RASEF: variants seen among roughly 807,000 people sequenced by gnomAD.
RASEF encodes ras and EF-hand domain-containing protein.
In RASEF, 68 loss-of-function variants were observed where a neutral mutation model predicts 90.1. The ratio of observed to expected loss-of-function variants is 0.75; its 90% CI spans 0.62 to 0.92. The LOEUF (loss-of-function observed/expected upper bound fraction) is 0.92, where lower values mean the gene tolerates loss of function less well. Among genes scored for constraint, RASEF ranks in the 40% least tolerant of loss-of-function variants. The pLI is 0.00. For synonymous variants in RASEF, 331 were observed against 345.2 expected, an observed-to-expected ratio of 0.96 and a Z score of 0.46; for missense variants, 949 against 937.2, an observed-to-expected ratio of 1.01 and a Z score of -0.16.
intron 9 of RASEF, 93 bp downstream of exon 9, chr9:83,004,405 T>G: frequency 1.4e-6 from 1 of 713,136 alleles, no homozygotes; most frequent in Non-Finnish European, 2.4e-6. Flanking sequence ...GACCAAAGTA[T>G]ATTCTATTAT....
chr9:83,178,923 C>T, the RASEF span, among the ~76,000 whole-genome samples: 1 of 152,140 alleles, frequency 6.6e-6, no homozygotes, highest in East Asian at 1.9e-4. Flanking sequence ...AATCCAGTCT[C>T]ACCAGGGCAA....
intron 5 of RASEF, among the ~76,000 whole-genome samples, chr9:83,012,170 A>G (rs1161336927): frequency 1.3e-5 from 2 of 152,284 alleles, no homozygotes; most frequent in East Asian, 3.9e-4. Context: ...GGAAGAACAC[A>G]GGGTTAACTG....
the RASEF span, among the ~76,000 whole-genome samples, chr9:83,124,046 G>A: frequency 6.6e-6 from 1 of 152,140 alleles, no homozygotes; most frequent in Admixed American, 6.5e-5. Flanking sequence ...GGATCATACA[G>A]TATTTGTCCT....
the RASEF span, among the ~76,000 whole-genome samples, chr9:83,187,310 C>T: frequency 1.3e-5 from 2 of 152,154 alleles, no homozygotes; most frequent in Non-Finnish European, 1.5e-5. Context: ...CTTTTGGCCA[C>T]TTCTGTCTGC....
chr9:83,215,328 C>T, the RASEF span, among the ~76,000 whole-genome samples: 1 of 152,226 alleles, frequency 6.6e-6, no homozygotes, highest in Admixed American at 6.5e-5. Context: ...GGCCCTCTAC[C>T]CTTGCAAAAA....
chr9:83,064,789 T>A (rs1830267554), upstream of RASEF, among the ~76,000 whole-genome samples: 1 of 152,166 alleles, frequency 6.6e-6, no homozygotes, highest in Non-Finnish European at 1.5e-5. Context: ...CGAATTGGCC[T>A]GGCACAGTGG....
the RASEF span, among the ~76,000 whole-genome samples, chr9:83,210,936 G>T: frequency 6.6e-6 from 1 of 152,150 alleles, no homozygotes; most frequent in Admixed American, 6.5e-5. Context: ...CAACCTAATA[G>T]TCCATCATCC....
chr9:83,158,591 T>C, the RASEF span, among the ~76,000 whole-genome samples: 2 of 147,980 alleles, frequency 1.4e-5, no homozygotes, highest in African/African-American at 2.5e-5. Context: ...TATATGTATA[T>C]ATGTCCAAAT....
chr9:83,091,256 G>C, the RASEF span, among the ~76,000 whole-genome samples: 1 of 152,290 alleles, frequency 6.6e-6, no homozygotes, highest in East Asian at 1.9e-4. Context: ...AGCTTTTAAA[G>C]TCCTTATGGA....
At chr9:83,200,577 C>T in the RASEF span, among the ~76,000 whole-genome samples, 14 of 152,138 alleles carry the variant, frequency 9.2e-5, no homozygotes, top group Non-Finnish European at 1.9e-4. Context: ...AAAAATCAGT[C>T]CTTCCAATGC....
At chr9:83,151,677 T>C in the RASEF span, among the ~76,000 whole-genome samples, 1 of 152,200 alleles carries the variant, frequency 6.6e-6, no homozygotes, top group Non-Finnish European at 1.5e-5. Context: ...TTGGCCTCAT[T>C]CTGGGCACCC....
chr9:83,203,705 A>T, the RASEF span, among the ~76,000 whole-genome samples: 1 of 152,150 alleles, frequency 6.6e-6, no homozygotes. Context: ...TAAATTTCAG[A>T]TCTGAAGAGT....
At chr9:83,167,866 C>T in the RASEF span, among the ~76,000 whole-genome samples, 2 of 152,114 alleles carry the variant, frequency 1.3e-5, no homozygotes, top group African/African-American at 4.8e-5. Flanking sequence ...GAAAGATATT[C>T]CATTATATGG....
At chr9:83,082,348 G>C in the RASEF span, among the ~76,000 whole-genome samples, 1 of 152,200 alleles carries the variant, frequency 6.6e-6, no homozygotes, top group African/African-American at 2.4e-5. Context: ...ATCCCAGGGA[G>C]AATGATGGTT....
the RASEF span, among the ~76,000 whole-genome samples, chr9:83,181,966 C>A: frequency 6.6e-6 from 1 of 152,310 alleles, no homozygotes; most frequent in Middle Eastern, 3.4e-3. Flanking sequence ...AACAGGAAAG[C>A]ACAAGTTCCC....
chr9:83,040,666 T>C (rs986838032), intron 1 of RASEF, among the ~76,000 whole-genome samples: 2 of 152,206 alleles, frequency 1.3e-5, no homozygotes, highest in Non-Finnish European at 2.9e-5. Context: ...TGATTATATA[T>C]TGAATACCTA....
the RASEF span, among the ~76,000 whole-genome samples, chr9:83,121,111 CA>C: frequency 6.6e-6 from 1 of 152,104 alleles, no homozygotes; most frequent in East Asian, 1.9e-4. Context: ...TTCAGTTTGT[CA>C]AGGAGTGCAA....
the RASEF span, among the ~76,000 whole-genome samples, chr9:83,192,097 ACTGTTGG>A: frequency 6.6e-6 from 1 of 152,142 alleles, no homozygotes; most frequent in Non-Finnish European, 1.5e-5. Context: ...ATGCTTATAC[ACTGTTGG>A]TGGGAGTGTA....
upstream of RASEF, among the ~76,000 whole-genome samples, chr9:83,065,773 T>A (rs1005977293): frequency 2.6e-5 from 4 of 152,208 alleles, no homozygotes; most frequent in African/African-American, 7.2e-5. Flanking sequence ...CATTCTCTAC[T>A]CTTTAATTCT....
Sources: gnomAD v4.1 joint callset for allele counts (sites outside exome capture counted in the v4.1 genomes callset) on GRCh38, gnomAD v4.1.1 for gene constraint, MANE v1.5 for transcripts, NCBI Gene and HGNC (gene_info 2026-07-23, HGNC 2026-07-21) for gene names.